Variants in PAK4 observed in about 807,000 individuals in gnomAD.
The protein encoded by PAK4 is serine/threonine-protein kinase PAK 4.
A neutral mutation model predicts 53.5 loss-of-function variants in PAK4; 49 were observed. The observed-to-expected ratio is 0.92, with a 90% confidence interval of 0.73 to 1.16. PAK4 has a LOEUF of 1.16. Ranked by LOEUF, PAK4 falls within the 50% of genes most tolerant of loss-of-function variation. The pLI, the probability that PAK4 is intolerant of heterozygous loss-of-function variation, is 0.00. For synonymous variants in PAK4, 376 were observed against 375.6 expected (o/e 1.00, Z -0.01); for missense variants, 824 against 850.7 (o/e 0.97, Z 0.39).
intron 4 of PAK4, among the ~76,000 whole-genome samples, chr19:39,174,640 G>A (rs1411705298): frequency 6.6e-6 from 1 of 151,948 alleles, no homozygotes; most frequent in Non-Finnish European, 1.5e-5. Context: ...CCTTGTCCGG[G>A]TCTCAGCCCT....
intron 1 of PAK4, among the ~76,000 whole-genome samples, chr19:39,130,604 C>G (rs941874660): frequency 6.6e-6 from 1 of 151,786 alleles, no homozygotes; most frequent in Admixed American, 6.6e-5. Context: ...TGCTGTGCAC[C>G]CTGACTGTGT....
rs1213281060 is a variant in PAK4, at chr19:39,177,030, G to A, written c.1485+315G>A. On this transcript the variant is annotated intron_variant, in intron 7 of 8. Coordinates refer to ENST00000358301, the Ensembl canonical transcript of PAK4. ...TTTACAGGCACCCGCCACCATGCCT[G>A]GCTAATTTTTGTATTAGTAGAGATG... is the stretch of plus-strand genomic sequence containing the variant. Among the ~76,000 whole-genome samples, 3 of 152,102 alleles carry A rather than the reference G, an allele frequency of 2.0e-5. No individual in the cohort carries two copies. The South Asian group carries it at 6.2e-4, about 32-fold the overall frequency.
chr19:39,145,012 C>A (rs1017761823), intron 1 of PAK4, among the ~76,000 whole-genome samples: 6 of 152,210 alleles, frequency 3.9e-5, no homozygotes, highest in African/African-American at 1.2e-4. Flanking sequence ...CCACCCAGAT[C>A]AAGAAGACAG....
intron 1 of PAK4, among the ~76,000 whole-genome samples, chr19:39,158,171 G>T (rs1230182981): frequency 6.6e-6 from 1 of 151,816 alleles, no homozygotes; most frequent in African/African-American, 2.4e-5. Flanking sequence ...GTGCATGTTT[G>T]TGAGTGTGCA....
chr19:39,152,730 G>A (rs2074113489), intron 1 of PAK4, among the ~76,000 whole-genome samples: 1 of 152,264 alleles, frequency 6.6e-6, no homozygotes, highest in South Asian at 2.1e-4. Context: ...GAACAGAAAC[G>A]TGTTCCAACT....
At chr19:39,167,665 G>C (rs931712879) in intron 1 of PAK4, among the ~76,000 whole-genome samples, 1 of 152,180 alleles carries the variant, frequency 6.6e-6, no homozygotes, top group East Asian at 1.9e-4. Context: ...GCTGAGACAG[G>C]TTGGCTGCCG....
At chr19:39,177,030 G>C (rs1213281060) in intron 7 of PAK4, among the ~76,000 whole-genome samples, 1 of 152,102 alleles carries the variant, frequency 6.6e-6, no homozygotes, top group African/African-American at 2.4e-5. Context: ...CACCATGCCT[G>C]GCTAATTTTT....
rs1454418665 is a variant in PAK4 at position 39,141,209 on chromosome 19, C to T, written c.-23+15290C>T. Among the ~76,000 whole-genome samples the T allele has an allele frequency of 2.0e-5, 3 of 152,208 alleles. No homozygotes were observed. In the East Asian group the frequency reaches 5.8e-4, roughly 29 times the overall value. On this transcript the variant is annotated intron_variant, in intron 1 of 8. Transcript: ENST00000358301. ...TGTCGCCTGTGCCTGCTCCTCACCT[C>T]CCTGCTTATTTCAGAGCAAATCCCA...
chr19:39,134,251 A>C (rs1353730346), intron 1 of PAK4, among the ~76,000 whole-genome samples: 2 of 152,258 alleles, frequency 1.3e-5, no homozygotes, highest in Non-Finnish European at 2.9e-5. Flanking sequence ...CATAAAATGC[A>C]CAGGTAAGTT....
intron 2 of PAK4, among the ~76,000 whole-genome samples, chr19:39,172,049 G>C (rs1331660181): frequency 2.0e-5 from 3 of 152,236 alleles, no homozygotes; most frequent in Non-Finnish European, 4.4e-5. Flanking sequence ...AGGCAGGGCA[G>C]GGGCCGGGGA....
chr19:39,129,396 C>T (rs761259474), intron 1 of PAK4, among the ~76,000 whole-genome samples: 3 of 152,044 alleles, frequency 2.0e-5, no homozygotes, highest in Non-Finnish European at 4.4e-5. Flanking sequence ...CCTTCTGGAA[C>T]GCGTGTTCCT....
intron 1 of PAK4, among the ~76,000 whole-genome samples, chr19:39,144,082 A>G (rs1021177387): frequency 1.3e-5 from 2 of 152,126 alleles, no homozygotes; most frequent in African/African-American, 4.8e-5. Flanking sequence ...AGAGCGAGCA[A>G]GACCCTATCT....
chr19:39,140,126 C>T (rs1600320879), intron 1 of PAK4, among the ~76,000 whole-genome samples: 1 of 152,106 alleles, frequency 6.6e-6, no homozygotes, highest in East Asian at 1.9e-4. Context: ...CTCTGTTTCA[C>T]CTCTGTCTCT....
intron 2 of PAK4, among the ~76,000 whole-genome samples, chr19:39,170,886 C>T (rs1049425752): frequency 2.6e-5 from 4 of 152,244 alleles, no homozygotes; most frequent in Admixed American, 1.3e-4. Flanking sequence ...CAGCTGGAGG[C>T]GAGTGGCAGC....
chr19:39,139,125 T>G (rs543363045), intron 1 of PAK4, among the ~76,000 whole-genome samples: 1 of 152,318 alleles, frequency 6.6e-6, no homozygotes, highest in South Asian at 2.1e-4. Flanking sequence ...CTCCCCACTT[T>G]CCTGCAGCAC....
intron 1 of PAK4, among the ~76,000 whole-genome samples, chr19:39,137,368 A>C (rs1023328351): frequency 1.3e-5 from 2 of 151,944 alleles, no homozygotes; most frequent in Non-Finnish European, 2.9e-5. Context: ...AGGGTGATGA[A>C]TAGGAAAGAC....
intron 1 of PAK4, among the ~76,000 whole-genome samples, chr19:39,128,145 G>A (rs971508705): frequency 4.6e-5 from 7 of 152,200 alleles, no homozygotes; most frequent in Non-Finnish European, 1.0e-4. Context: ...GAGGACCTCC[G>A]TTTCCACTTC....
intron 1 of PAK4, among the ~76,000 whole-genome samples, chr19:39,164,875 G>A (rs2074343842): frequency 6.6e-6 from 1 of 152,164 alleles, no homozygotes; most frequent in Non-Finnish European, 1.5e-5. Context: ...CCCTTGTGGT[G>A]GTGGCGATGG....
intron 1 of PAK4, among the ~76,000 whole-genome samples, chr19:39,139,825 T>C (rs1026758098): frequency 6.6e-6 from 1 of 152,004 alleles, no homozygotes; most frequent in Admixed American, 6.6e-5. Context: ...GCCTTGGGGT[T>C]TTTTAATGCT....
Sources: allele counts gnomAD v4.1 joint callset (sites outside exome capture counted in the v4.1 genomes callset), GRCh38; gene constraint gnomAD v4.1.1; transcripts MANE v1.5; gene names NCBI Gene and HGNC (gene_info 2026-07-23, HGNC 2026-07-21).